Variants in RPS6KC1 observed in about 807,000 individuals in gnomAD.
RPS6KC1 encodes the protein ribosomal protein S6 kinase C1.
A neutral mutation model predicts 103.8 loss-of-function variants in RPS6KC1; 54 were observed. The ratio of observed to expected loss-of-function variants is 0.52; its 90% CI spans 0.42 to 0.65. RPS6KC1 has a LOEUF of 0.65. RPS6KC1 is among the 30% of genes least tolerant of loss of function. RPS6KC1 has a pLI of 0.00. For synonymous variants in RPS6KC1, 439 were observed against 438.7 expected, an observed-to-expected ratio of 1.00 and a Z score of -0.01; for missense variants, 1,151 against 1,253.8, an observed-to-expected ratio of 0.92 and a Z score of 1.24.
At chr1:213,816,372 C>T in the RPS6KC1 span, among the ~76,000 whole-genome samples, 1 of 152,298 alleles carries the variant, frequency 6.6e-6, no homozygotes, top group South Asian at 2.1e-4. Flanking sequence ...CTATAATTAT[C>T]CCTGCTCTTC....
At chr1:213,836,204 A>G in the RPS6KC1 span, 1 of 151,960 alleles carries the variant, frequency 6.6e-6, no homozygotes, top group Non-Finnish European at 1.5e-5. Context: ...ACAGAACAAG[A>G]CCAGAAGGCA....
chr1:213,422,181 C>A, the RPS6KC1 span, among the ~76,000 whole-genome samples: 1 of 152,220 alleles, frequency 6.6e-6, no homozygotes, highest in South Asian at 2.1e-4. Context: ...CCATTCCCTC[C>A]TTCCTCCAGC....
chr1:213,168,449 C>T (rs185839459), intron 7 of RPS6KC1, among the ~76,000 whole-genome samples: 197 of 152,210 alleles, frequency 1.3e-3, no homozygotes, highest in African/African-American at 3.2e-3. Context: ...TTGTCTAAAA[C>T]GCAGATGAAT....
At chr1:213,703,537 T>C in the RPS6KC1 span, among the ~76,000 whole-genome samples, 1 of 152,204 alleles carries the variant, frequency 6.6e-6, no homozygotes, top group Non-Finnish European at 1.5e-5. Flanking sequence ...ACATGTCTGG[T>C]GTTGATGAAA....
chr1:213,190,271 A>T (rs1348344197), intron 8 of RPS6KC1, among the ~76,000 whole-genome samples: 1 of 152,142 alleles, frequency 6.6e-6, no homozygotes. Context: ...ATTTCCACCA[A>T]GAGTATGAGG....
chr1:213,538,069 G>A, the RPS6KC1 span, among the ~76,000 whole-genome samples: 3 of 152,160 alleles, frequency 2.0e-5, no homozygotes, highest in Admixed American at 1.3e-4. Flanking sequence ...ACTCCCAGGA[G>A]TCTTTCCTAT....
intron 8 of RPS6KC1, among the ~76,000 whole-genome samples, chr1:213,229,251 C>T (rs189364936): frequency 3.0e-4 from 46 of 152,178 alleles, no homozygotes; most frequent in South Asian, 2.1e-3. Flanking sequence ...TCCATCTTCT[C>T]GAACTGGTTT....
the RPS6KC1 span, among the ~76,000 whole-genome samples, chr1:213,428,125 G>T: frequency 2.0e-5 from 3 of 152,172 alleles, no homozygotes; most frequent in African/African-American, 7.2e-5. Context: ...CAGAAGACCA[G>T]GGAACAGGTT....
At chr1:213,266,035 A>G (rs2094904730) in intron 14 of RPS6KC1, among the ~76,000 whole-genome samples, 1 of 152,260 alleles carries the variant, frequency 6.6e-6, no homozygotes, top group Non-Finnish European at 1.5e-5. Context: ...TTAACCTATC[A>G]TAAGCACTTA....
At chr1:213,321,359 A>G in the RPS6KC1 span, among the ~76,000 whole-genome samples, 1 of 152,230 alleles carries the variant, frequency 6.6e-6, no homozygotes, top group African/African-American at 2.4e-5. Context: ...TGAGGATCCC[A>G]TGAGAAGAAC....
At chr1:213,056,873 G>A (rs1206123908) in intron 1 of RPS6KC1, among the ~76,000 whole-genome samples, 6 of 140,190 alleles carry the variant, frequency 4.3e-5, no homozygotes, top group African/African-American at 1.6e-4. Context: ...TTTTTTTTTA[G>A]GCGTTGCTCT....
chr1:213,264,969 C>G (rs1017116983), intron 14 of RPS6KC1, among the ~76,000 whole-genome samples: 2 of 152,154 alleles, frequency 1.3e-5, no homozygotes, highest in Non-Finnish European at 2.9e-5. Context: ...AAAAAAGTCC[C>G]TCAGAGCATG....
the RPS6KC1 span, among the ~76,000 whole-genome samples, chr1:213,723,508 C>T: frequency 3.5e-4 from 53 of 152,248 alleles, no homozygotes; most frequent in African/African-American, 9.4e-4. Context: ...CTAATCTCTT[C>T]TTCTTGTAAG....
At chr1:213,790,104 G>C in the RPS6KC1 span, among the ~76,000 whole-genome samples, 1 of 152,258 alleles carries the variant, frequency 6.6e-6, no homozygotes, top group East Asian at 1.9e-4. Flanking sequence ...TTCTGGGAAG[G>C]GGTGAACCAA....
At chr1:213,159,518 C>T (rs2090250127) in intron 6 of RPS6KC1, among the ~76,000 whole-genome samples, 3 of 152,210 alleles carry the variant, frequency 2.0e-5, no homozygotes, top group South Asian at 2.1e-4. Flanking sequence ...GTTATAATTA[C>T]AGTTGACGAA....
At chr1:213,466,395 A>G in the RPS6KC1 span, among the ~76,000 whole-genome samples, 1 of 152,188 alleles carries the variant, frequency 6.6e-6, no homozygotes, top group East Asian at 1.9e-4. Context: ...ACATGCTCGA[A>G]TGAATAAAAG....
rs59318173 is a variant in RPS6KC1 at position 213,118,021 on chromosome 1, C to CAAAAAAAAAAAAAAAAAAAAAAA, written c.472+629_472+630insAAAAAAAAAAAAAAAAAAAAAAA. Among the ~76,000 whole-genome samples, 84 of 34,174 alleles carry CAAAAAAAAAAAAAAAAAAAAAAA rather than the reference C, an allele frequency of 2.5e-3. 18 individuals are homozygous for CAAAAAAAAAAAAAAAAAAAAAAA. Among genetic ancestry groups the CAAAAAAAAAAAAAAAAAAAAAAA allele is most frequent in the African/African-American group, 4.1e-3 (35 of 8,464 alleles). The allele number at this position is 34,174 out of a possible 152,430, so 22.4% of individuals were successfully genotyped here. ...TGGACAACAAAGCAAGACTTTGTCT[C>CAAAAAAAAAAAAAAAAAAAAAAA]AAAAAAAAAAAAAAAAAAGCCTTAC... On this transcript the variant is annotated intron_variant, in intron 5 of 14. Transcript: ENST00000366960.
intron 6 of RPS6KC1, among the ~76,000 whole-genome samples, chr1:213,142,108 C>T (rs575558995): frequency 6.6e-6 from 1 of 152,022 alleles, no homozygotes; most frequent in South Asian, 2.1e-4. Context: ...TGAATCGAAC[C>T]CTTTATCATT....
chr1:213,635,981 A>G, the RPS6KC1 span, among the ~76,000 whole-genome samples: 1 of 152,062 alleles, frequency 6.6e-6, no homozygotes, highest in Non-Finnish European at 1.5e-5. Context: ...ATAACAGACA[A>G]ACAAAGAGCC....
Sources: gnomAD v4.1 joint callset for allele counts (sites outside exome capture counted in the v4.1 genomes callset) on GRCh38, gnomAD v4.1.1 for gene constraint, MANE v1.5 for transcripts, NCBI Gene and HGNC (gene_info 2026-07-23, HGNC 2026-07-21) for gene names.